Variants in ATG14 observed in about 807,000 individuals in gnomAD.
The protein encoded by ATG14 is autophagy related 14.
In ATG14, 35 loss-of-function variants were observed where a neutral mutation model predicts 60.4. That is an observed-to-expected ratio of 0.58 (90% confidence interval 0.44 to 0.77). The LOEUF (loss-of-function observed/expected upper bound fraction) is 0.77, where lower values mean the gene tolerates loss of function less well. Ranked by LOEUF, ATG14 falls within the 30% of genes least tolerant of loss-of-function variation. ATG14 has a pLI of 0.00. For missense variants in ATG14, 647 were observed against 626.3 expected, an observed-to-expected ratio of 1.03 and a Z score of -0.35; for synonymous variants, 234 against 228.8, an observed-to-expected ratio of 1.02 and a Z score of -0.21.
intron 3 of ATG14, among the ~76,000 whole-genome samples, chr14:55,392,363 C>G (rs1372541489): frequency 1.3e-5 from 2 of 152,092 alleles, no homozygotes; most frequent in East Asian, 3.9e-4. Context: ...AAAATAGGAT[C>G]TATGGCCGGG....
chr14:55,373,549 T>C (rs560997651), intron 9 of ATG14, among the ~76,000 whole-genome samples: 28 of 152,284 alleles, frequency 1.8e-4, no homozygotes, highest in African/African-American at 6.5e-4. Flanking sequence ...AAACTCCGCC[T>C]CCTGGGTTCA....
rs1175234756 is a variant in ATG14 at position 55,370,066 on chromosome 14, C to T, written c.1173-141G>A. 7.5e-6 allele frequency: 5 copies of T among 663,152 alleles called. No individual in the cohort carries two copies. The Admixed American group carries it at 9.8e-5, about 13-fold the overall frequency. The allele number at this position is 663,152 out of a possible 1,614,324, so 41.1% of individuals were successfully genotyped here. A position where few individuals can be genotyped will look rare whatever the true frequency, so the allele number is the denominator to read the frequency against. On this transcript the variant is annotated intron_variant, in intron 9 of 9. Transcript: ENST00000247178. ...CATTCCCCAAGTCTATGCAGCACTC[C>T]GTGTTGACATATGATTGCGTTTTCC...
Position 55,377,732 on chromosome 14 carries a change from G to A in ATG14, c.1172+87C>T, listed in dbSNP as rs1884946148. The A allele has an allele frequency of 7.4e-6, 7 of 939,736 alleles. No homozygotes were observed. In the South Asian group the frequency reaches 1.4e-4, roughly 19 times the overall value. 58.2% of individuals were successfully genotyped at this position (939,736 alleles called of 1,614,324 possible). A position where few individuals can be genotyped will look rare whatever the true frequency, so the allele number is the denominator to read the frequency against. On this transcript the variant is annotated intron_variant, in intron 9 of 9. Transcript: ENST00000247178. ...GTCCGGTTTGAGGAGTTTGGGATTA[G>A]GGAACACGACTCTACTATGCCAACA...
At position 55,377,973 on chromosome 14, in the gene ATG14, A is replaced by G. The variant is rs1566578310; in HGVS notation, c.1086+11T>C. 1 of 1,602,552 alleles carries G rather than the reference A, an allele frequency of 6.2e-7. No individual in the cohort carries two copies. The highest frequency in any genetic ancestry group is 1.7e-5 in the Admixed American group (1 of 58,574). ...CAAAGTAAAAATTAGTTCACAACCT[A>G]TTTTTCATACCTGAGAAAAACAAAG... On this transcript the variant is annotated intron_variant, in intron 8 of 9. Transcript: ENST00000247178.
At chr14:55,402,123 C>T (rs78429463) in intron 1 of ATG14, among the ~76,000 whole-genome samples, 8,928 of 152,220 alleles carry the variant, frequency 0.059, 335 homozygotes, top group South Asian at 0.089. Context: ...GGGATGCAGA[C>T]TATTAATTCT....
At chr14:55,405,897 GC>G (rs888760876) in intron 1 of ATG14, among the ~76,000 whole-genome samples, 1 of 148,956 alleles carries the variant, frequency 6.7e-6, no homozygotes, top group African/African-American at 2.4e-5. Flanking sequence ...GGCGGGGGGG[GC>G]AGGGGAAGAA....
At position 55,381,999 on chromosome 14, in the gene ATG14, G is replaced by A. The variant is rs764667631; in HGVS notation, c.840C>T (p.Tyr280=). The A allele has an allele frequency of 5.0e-6, 8 of 1,614,224 alleles. No homozygotes were observed. Among genetic ancestry groups the A allele is most frequent in the Non-Finnish European group, 5.9e-6 (7 of 1,180,028 alleles). ...LPNNGDYSAY[Y]SWVEEKKTTQ... ...TTGTTTTCTTCTCCTCCACCCAGCTGTAGTAGGCAGAGTAGTCCCCATTGT... is the reference window on the plus strand; with the variant it reads ...TTGTTTTCTTCTCCTCCACCCAGCTATAGTAGGCAGAGTAGTCCCCATTGT... Residue 280 remains tyrosine (Y), a synonymous_variant, in exon 6 of 10, where the codon TAC becomes TAT. Transcript: ENST00000247178.
At chr14:55,400,806 A>G (rs1270238277) in intron 1 of ATG14, among the ~76,000 whole-genome samples, 1 of 152,078 alleles carries the variant, frequency 6.6e-6, no homozygotes, top group African/African-American at 2.4e-5. Flanking sequence ...TGGGAGGCTG[A>G]GGCAGGAGAA....
intron 1 of ATG14, among the ~76,000 whole-genome samples, chr14:55,403,161 T>C (rs76359513): frequency 6.6e-6 from 1 of 151,352 alleles, no homozygotes; most frequent in Non-Finnish European, 1.5e-5. Flanking sequence ...AGTTTCCTCA[T>C]TTGTAAAATG....
At chr14:55,384,730 G>A (rs1023796168) in intron 5 of ATG14, among the ~76,000 whole-genome samples, 2 of 152,316 alleles carry the variant, frequency 1.3e-5, no homozygotes, top group South Asian at 2.1e-4. Flanking sequence ...TCCAGTGAAC[G>A]TCAGTTTCCA....
At chr14:55,386,231 C>T in intron 4 of ATG14, 135 bp from the exon 5 acceptor site, 1 of 705,374 alleles carries the variant, frequency 1.4e-6, no homozygotes, top group South Asian at 2.1e-5. Flanking sequence ...ATAATGTTCA[C>T]TAAGTGGAAA....
At chr14:55,371,829 C>G (rs1884825730) in intron 9 of ATG14, among the ~76,000 whole-genome samples, 1 of 151,924 alleles carries the variant, frequency 6.6e-6, no homozygotes, top group Admixed American at 6.6e-5. Flanking sequence ...AAACAAAGAG[C>G]CCCTCAGACT....
intron 1 of ATG14, among the ~76,000 whole-genome samples, chr14:55,397,940 A>ATT (rs1404740029): frequency 7.3e-6 from 1 of 136,834 alleles, no homozygotes; most frequent in Non-Finnish European, 1.5e-5. Context: ...CATTGCAGTA[A>ATT]TTCTTTTTTT....
rs773851240 is a variant in ATG14, at chr14:55,395,920, G to C, written c.327+20C>G. 1.4e-5 allele frequency: 22 copies of C among 1,519,992 alleles called. No homozygotes were observed. Among genetic ancestry groups the C allele is most frequent in the Non-Finnish European group, 1.9e-5 (22 of 1,133,342 alleles). The allele number at this position is 1,519,992 out of a possible 1,614,324, so 94.2% of individuals were successfully genotyped here. ...AAAAACATGTAGCCTCAAGTAAAAA[G>C]AACATGTATTACAACTTACCAACTG... On this transcript the variant is annotated intron_variant, in intron 3 of 9. Transcript: ENST00000247178.
At chr14:55,391,471 T>TAAAAAAAAAA (rs746307684) in intron 3 of ATG14, among the ~76,000 whole-genome samples, 3 of 75,788 alleles carry the variant, frequency 4.0e-5, no homozygotes, top group Non-Finnish European at 8.9e-5. Flanking sequence ...TGAGACTCCA[T>TAAAAAAAAAA]AAAAAAAAAA....
intron 6 of ATG14, 99 bp from the exon 7 acceptor site, chr14:55,380,789 T>TAAAAC: frequency 1.4e-6 from 1 of 709,044 alleles, no homozygotes; most frequent in Non-Finnish European, 2.2e-6. Flanking sequence ...ATGATAGCAC[T>TAAAAC]GTTACGTTTT....
At chr14:55,386,559 G>A (rs1301277915) in intron 4 of ATG14, among the ~76,000 whole-genome samples, 1 of 152,224 alleles carries the variant, frequency 6.6e-6, no homozygotes, top group African/African-American at 2.4e-5. Flanking sequence ...TCCAGTAGAG[G>A]AGAAGGGCAA....
At chr14:55,409,296 A>G (rs1885535029) in intron 1 of ATG14, among the ~76,000 whole-genome samples, 1 of 152,246 alleles carries the variant, frequency 6.6e-6, no homozygotes, top group Non-Finnish European at 1.5e-5. Context: ...AGTTTGGGAA[A>G]GAGGGACAGA....
chr14:55,386,224 A>G (rs996027480), intron 4 of ATG14, 128 bp from the exon 5 acceptor site: 2 of 743,486 alleles, frequency 2.7e-6, no homozygotes, highest in East Asian at 2.6e-5. Context: ...GAATAATATA[A>G]TGTTCACTAA....
Sources: gnomAD v4.1 joint callset for allele counts (sites outside exome capture counted in the v4.1 genomes callset) on GRCh38, gnomAD v4.1.1 for gene constraint, MANE v1.5 for transcripts, NCBI Gene and HGNC (gene_info 2026-07-23, HGNC 2026-07-21) for gene names.